The following DNAH3 variants were observed in gnomAD, a reference collection of about 807,000 sequenced individuals.
DNAH3 encodes the protein dynein axonemal heavy chain 3.
A neutral mutation model predicts 432.5 loss-of-function variants in DNAH3; 332 were observed. The observed-to-expected ratio is 0.77, with a 90% CI of 0.70 to 0.84. The LOEUF (loss-of-function observed/expected upper bound fraction) is 0.84, where lower values mean the gene tolerates loss of function less well. DNAH3 is among the 40% of genes least tolerant of loss of function. The probability of loss-of-function intolerance (pLI) is 0.00; values close to 1 mark genes in which losing one functional copy is unlikely to be tolerated. For synonymous variants in DNAH3, 1,956 were observed against 1,900.2 expected (o/e 1.03, Z -0.76); for missense variants, 4,861 against 5,114.0 (o/e 0.95, Z 1.51).
chr16:21,084,070 C>T (rs905483417), intron 19 of DNAH3, among the ~76,000 whole-genome samples: 3 of 137,854 alleles, frequency 2.2e-5, no homozygotes, highest in South Asian at 4.2e-4. Context: ...CAGGCTGAGT[C>T]AAACAGTGTA....
intron 28 of DNAH3, among the ~76,000 whole-genome samples, chr16:21,053,588 C>T (rs2090031689): frequency 6.6e-6 from 1 of 152,102 alleles, no homozygotes; most frequent in African/African-American, 2.4e-5. Flanking sequence ...AGTATGTGGC[C>T]GTGTGAAGAG....
intron 5 of DNAH3, among the ~76,000 whole-genome samples, chr16:21,136,931 G>C (rs557893656): frequency 6.6e-6 from 1 of 152,014 alleles, no homozygotes; most frequent in East Asian, 1.9e-4. Flanking sequence ...TCAGGGGTTC[G>C]AGACCAGCCT....
rs908600994 is a variant in DNAH3 at position 21,146,099 on chromosome 16, T to C, written c.118-11A>G. 1 of 1,594,990 alleles carries C rather than the reference T, an allele frequency of 6.3e-7. No homozygotes were observed. Among genetic ancestry groups the C allele is most frequent in the African/African-American group, 1.3e-5 (1 of 74,378 alleles). ...GTCACTTTTGGCGATCTGTGGGACA[T>C]GGGAACAAAGTCACCCTTCAAAAAT... On this transcript the variant is annotated splice_polypyrimidine_tract_variant and intron_variant, in intron 1 of 61. Coordinates refer to ENST00000261383, the Ensembl canonical transcript of DNAH3.
At position 21,086,774 on chromosome 16, in the gene DNAH3, T is replaced by C. The variant is rs563269610; in HGVS notation, c.2877+75A>G. ...AAGGAGAAGCTTGACCTAGTAATGT[T>C]TCCTGCCTTCCCAAGGACAGTCAGG... On this transcript the variant is annotated intron_variant, in intron 19 of 61. Coordinates refer to ENST00000261383, the Ensembl canonical transcript of DNAH3. 1.2e-5 allele frequency: 16 copies of C among 1,336,080 alleles called. No individual in the cohort carries two copies. The East Asian group carries it at 3.4e-4, about 29-fold the overall frequency. The allele number at this position is 1,336,080 out of a possible 1,614,324, so 82.8% of individuals were successfully genotyped here.
At position 20,963,611 on chromosome 16, in the gene DNAH3, G is replaced by C. The variant is rs750674790; in HGVS notation, c.10273C>G (p.Arg3425Gly). The change falls in exon 53 of 62, where the codon CGT (arginine) becomes GGT (glycine). Residue 3425 changes from arginine to glycine, a missense_variant. By Grantham distance (125) the Arg-to-Gly change is moderately radical. Coordinates refer to ENST00000261383, the Ensembl canonical transcript of DNAH3. ...TGCAGTTTGGGTAAGGCAGATGCAC[G>C]GACAATCTCTGCCCATGCCTTCTCA... 2.5e-6 allele frequency: 4 copies of C among 1,613,850 alleles called. No individual in the cohort carries two copies. In the East Asian group the frequency reaches 8.9e-5, roughly 36 times the overall value.
At chr16:20,942,862 T>C (rs2083877434) in intron 58 of DNAH3, among the ~76,000 whole-genome samples, 1 of 152,084 alleles carries the variant, frequency 6.6e-6, no homozygotes, top group South Asian at 2.1e-4. Flanking sequence ...TCATGTTGAG[T>C]CACATGGTGA....
rs372320969 is a variant in DNAH3 at position 21,024,753 on chromosome 16, G to A, written c.5541-52C>T. On this transcript the variant is annotated intron_variant, in intron 38 of 61. Transcript: ENST00000261383. Reference sequence around the variant, plus strand: ...GTGCTCGCTTCTTTGTTACTAATACGGGTTAACATTTATTGAGCAATCTAC... The same window carrying A: ...GTGCTCGCTTCTTTGTTACTAATACAGGTTAACATTTATTGAGCAATCTAC... 1,532 of 1,386,414 alleles carry A rather than the reference G, an allele frequency of 1.1e-3. 2 individuals are homozygous for A. The highest frequency in any genetic ancestry group is 1.4e-3 in the Non-Finnish European group (1,399 of 976,614). 85.9% of individuals were successfully genotyped at this position (1,386,414 alleles called of 1,614,324 possible).
intron 9 of DNAH3, among the ~76,000 whole-genome samples, chr16:21,122,495 T>TGCAGTGAGATCACGCCGTTAC (rs1281520756): frequency 2.0e-5 from 3 of 152,096 alleles, no homozygotes; most frequent in Admixed American, 6.5e-5. Flanking sequence ...AGGCAGAGGT[T>TGCAGTGAGATCACGCCGTTAC]GCAGTGAGAT....
At chr16:21,110,487 A>G (rs1281979275) in intron 14 of DNAH3, among the ~76,000 whole-genome samples, 1 of 152,202 alleles carries the variant, frequency 6.6e-6, no homozygotes, top group African/African-American at 2.4e-5. Context: ...AACCTGTTAG[A>G]GAATGGAGCC....
At chr16:20,985,612 T>G in exon 48 of DNAH3, 1 of 1,614,226 alleles carries the variant, frequency 6.2e-7, no homozygotes, top group Non-Finnish European at 8.5e-7. Context: ...AGTGATCTCA[T>G]CGTAGATTTT....
chr16:21,111,600 T>C (rs1027515355), intron 14 of DNAH3, 26 bp downstream of exon 14: 1 of 1,595,908 alleles, frequency 6.3e-7, no homozygotes, highest in African/African-American at 1.3e-5. Flanking sequence ...ATACCATTGC[T>C]ATTTGTCTGC....
intron 11 of DNAH3, among the ~76,000 whole-genome samples, chr16:21,118,826 T>C (rs1597415152): frequency 6.6e-6 from 1 of 152,210 alleles, no homozygotes. Flanking sequence ...TCTCTGAGAA[T>C]GTTCTCACTT....
intron 20 of DNAH3, among the ~76,000 whole-genome samples, chr16:21,076,442 G>C (rs1026921433): frequency 1.3e-5 from 2 of 152,178 alleles, no homozygotes; most frequent in Non-Finnish European, 2.9e-5. Flanking sequence ...GTGGTATGCT[G>C]TAAGAGCAGC....
In DNAH3 at chr16:21,145,504, T is replaced by C. The variant is rs942773558; in HGVS notation, c.223-98A>G. On this transcript the variant is annotated intron_variant, in intron 2 of 61. Transcript: ENST00000261383. ...GAGGCTCACAAGAGTTCCAAGTGCC[T>C]TATGCTATGTTTCTGCCTTCTGCAC... The C allele has an allele frequency of 6.8e-6, 7 of 1,036,822 alleles. No homozygotes were observed. In the African/African-American group the frequency reaches 1.1e-4, roughly 16 times the overall value. 64.2% of individuals were successfully genotyped at this position (1,036,822 alleles called of 1,614,324 possible). A position where few individuals can be genotyped will look rare whatever the true frequency, so the allele number is the denominator to read the frequency against.
chr16:21,084,602 G>A (rs1440184148), intron 19 of DNAH3, among the ~76,000 whole-genome samples: 3 of 152,068 alleles, frequency 2.0e-5, no homozygotes, highest in Admixed American at 6.6e-5. Context: ...GATTATAGGC[G>A]TGAGCCACGG....
chr16:21,027,807 A>C (rs1434057530), intron 37 of DNAH3, among the ~76,000 whole-genome samples: 1 of 152,250 alleles, frequency 6.6e-6, no homozygotes, highest in African/African-American at 2.4e-5. Flanking sequence ...AGAATCGAGA[A>C]GTTATCAGAC....
At chr16:20,982,700 T>C (rs749175647) in intron 49 of DNAH3, 21 bp downstream of exon 49, 13 of 1,605,318 alleles carry the variant, frequency 8.1e-6, no homozygotes, top group Admixed American at 1.7e-5. Flanking sequence ...TCTAGAGTCC[T>C]AAAATGCAAT....
intron 7 of DNAH3, among the ~76,000 whole-genome samples, chr16:21,131,576 G>A (rs985810475): frequency 6.6e-5 from 10 of 152,050 alleles, no homozygotes; most frequent in Non-Finnish European, 1.5e-5. Context: ...AAGGCCGGAC[G>A]TGGTGGCTCT....
chr16:21,030,340 C>T (rs985321792), intron 37 of DNAH3, among the ~76,000 whole-genome samples: 1 of 152,166 alleles, frequency 6.6e-6, no homozygotes, highest in Non-Finnish European at 1.5e-5. Flanking sequence ...TACCAAGACA[C>T]CACCAAGTGA....
Sources: gnomAD v4.1 joint callset for allele counts (sites outside exome capture counted in the v4.1 genomes callset) on GRCh38, gnomAD v4.1.1 for gene constraint, MANE v1.5 for transcripts, NCBI Gene and HGNC (gene_info 2026-07-23, HGNC 2026-07-21) for gene names.